The following DRC11 variants were observed in gnomAD, a reference collection of about 807,000 sequenced individuals.
DRC11 encodes the protein IQ and AAA domain-containing protein 1.
At chr2:236,343,891 C>T in the DRC11 span, 4 of 464,766 alleles carry the variant, frequency 8.6e-6, no homozygotes, top group East Asian at 1.4e-4. This position sits in a 1 kb window ranked among gnomAD's most constrained non-coding sequence, Gnocchi z 6.6. Flanking sequence ...TCTCTACCTG[C>T]GAAAAGTGAT....
the DRC11 span, among the ~76,000 whole-genome samples, chr2:236,357,678 A>G: frequency 8.7e-6 from 1 of 114,646 alleles, no homozygotes; most frequent in South Asian, 2.6e-4. Flanking sequence ...ATAAATATAT[A>G]TTTACAATAT....
the DRC11 span, chr2:236,503,564 A>G: frequency 7.1e-7 from 1 of 1,404,152 alleles, no homozygotes; most frequent in Middle Eastern, 1.7e-4. This position sits in a 1 kb window ranked among gnomAD's most constrained non-coding sequence, Gnocchi z 4.9. Context: ...GGGGGAGACC[A>G]GGCAAAGATT....
chr2:236,504,769 T>C, the DRC11 span, among the ~76,000 whole-genome samples: 1 of 152,216 alleles, frequency 6.6e-6, no homozygotes, highest in African/African-American at 2.4e-5. The surrounding 1 kb of genome is among the most constrained non-coding windows in gnomAD (Gnocchi z 5.0). Context: ...TGATAGTGAG[T>C]TCTCACGAGA....
At chr2:236,469,299 G>A in the DRC11 span, among the ~76,000 whole-genome samples, 3 of 152,176 alleles carry the variant, frequency 2.0e-5, no homozygotes, top group East Asian at 1.9e-4. This position sits in a 1 kb window ranked among gnomAD's most constrained non-coding sequence, Gnocchi z 5.8. Flanking sequence ...TCCATCTCCC[G>A]AGTTCAAGTG....
chr2:236,445,108 C>G, the DRC11 span, among the ~76,000 whole-genome samples: 2 of 152,186 alleles, frequency 1.3e-5, no homozygotes, highest in Non-Finnish European at 2.9e-5. The surrounding 1 kb of genome is among the most constrained non-coding windows in gnomAD (Gnocchi z 4.8). Context: ...CTTCAATAAC[C>G]ACTTTTACAA....
the DRC11 span, among the ~76,000 whole-genome samples, chr2:236,489,561 T>C: frequency 8.0e-3 from 1,213 of 152,222 alleles, 15 homozygotes; most frequent in African/African-American, 0.028. Flanking sequence ...CAGGGGCTCA[T>C]GTGGCCTGGC....
the DRC11 span, among the ~76,000 whole-genome samples, chr2:236,393,798 T>G: frequency 6.6e-6 from 1 of 152,120 alleles, no homozygotes; most frequent in East Asian, 1.9e-4. The surrounding 1 kb of genome is among the most constrained non-coding windows in gnomAD (Gnocchi z 4.7). Context: ...TTTGGCCACC[T>G]GCCACCTGCC....
chr2:236,463,467 C>A, the DRC11 span, among the ~76,000 whole-genome samples: 1 of 152,086 alleles, frequency 6.6e-6, no homozygotes, highest in Non-Finnish European at 1.5e-5. The surrounding 1 kb of genome is among the most constrained non-coding windows in gnomAD (Gnocchi z 5.0). Context: ...GAAAACCTCA[C>A]AAATGTAATC....
chr2:236,342,911 C>T, the DRC11 span, among the ~76,000 whole-genome samples: 4 of 152,282 alleles, frequency 2.6e-5, no homozygotes, highest in African/African-American at 9.6e-5. The surrounding 1 kb of genome is among the most constrained non-coding windows in gnomAD (Gnocchi z 5.8). Context: ...ACACGACGGA[C>T]TCCTCTAATG....
chr2:236,373,052 T>C, the DRC11 span, among the ~76,000 whole-genome samples: 1 of 152,170 alleles, frequency 6.6e-6, no homozygotes, highest in South Asian at 2.1e-4. Context: ...AATTTCTAAT[T>C]TTACTTTAAA....
chr2:236,460,236 G>A, the DRC11 span, among the ~76,000 whole-genome samples: 1 of 152,146 alleles, frequency 6.6e-6, no homozygotes, highest in Non-Finnish European at 1.5e-5. The surrounding 1 kb of genome is among the most constrained non-coding windows in gnomAD (Gnocchi z 4.0). Flanking sequence ...CCACGAGGAC[G>A]ACTCTAACTG....
At chr2:236,326,629 CTT>C in the DRC11 span, among the ~76,000 whole-genome samples, 5 of 152,032 alleles carry the variant, frequency 3.3e-5, no homozygotes, top group Admixed American at 1.3e-4. Context: ...ATAATTATCT[CTT>C]CTCATTTCAT....
chr2:236,461,098 T>A, the DRC11 span, among the ~76,000 whole-genome samples: 1 of 152,202 alleles, frequency 6.6e-6, no homozygotes, highest in East Asian at 1.9e-4. The surrounding 1 kb of genome is among the most constrained non-coding windows in gnomAD (Gnocchi z 4.0). Context: ...TGTGAATATA[T>A]ACAATACATA....
the DRC11 span, chr2:236,399,540 A>G: frequency 2.1e-6 from 3 of 1,413,114 alleles, no homozygotes; most frequent in Non-Finnish European, 3.0e-6. The surrounding 1 kb of genome is among the most constrained non-coding windows in gnomAD (Gnocchi z 7.0). Context: ...GGGCAGCAAA[A>G]GACGCAGACG....
chr2:236,484,380 CAT>C, the DRC11 span, among the ~76,000 whole-genome samples: 3 of 152,140 alleles, frequency 2.0e-5, no homozygotes, highest in African/African-American at 4.8e-5. Context: ...ACATAAAACA[CAT>C]GTTTATTGCA....
chr2:236,461,433 C>T, the DRC11 span, among the ~76,000 whole-genome samples: 2 of 152,206 alleles, frequency 1.3e-5, no homozygotes, highest in African/African-American at 2.4e-5. The surrounding 1 kb of genome is among the most constrained non-coding windows in gnomAD (Gnocchi z 4.0). Context: ...ATGATTGCAA[C>T]TGCACAAAAT....
At chr2:236,397,106 C>T in the DRC11 span, among the ~76,000 whole-genome samples, 10 of 152,326 alleles carry the variant, frequency 6.6e-5, no homozygotes, top group Admixed American at 5.2e-4. The surrounding 1 kb of genome is among the most constrained non-coding windows in gnomAD (Gnocchi z 5.0). Context: ...CTGGAGGAAG[C>T]GCAGTGGCCA....
the DRC11 span, among the ~76,000 whole-genome samples, chr2:236,357,015 T>TATC: frequency 7.6e-6 from 1 of 130,894 alleles, no homozygotes; most frequent in African/African-American, 3.0e-5. Context: ...TATTCATATA[T>TATC]TATATATCTA....
chr2:236,312,114 A>G, the DRC11 span, among the ~76,000 whole-genome samples: 2 of 152,198 alleles, frequency 1.3e-5, no homozygotes, highest in African/African-American at 4.8e-5. Context: ...CTATCCTAAG[A>G]TTCCAGATGT....
Sources: allele counts gnomAD v4.1 joint callset (sites outside exome capture counted in the v4.1 genomes callset), GRCh38; gene constraint gnomAD v4.1.1; non-coding constraint Gnocchi (gnomAD v3.1); transcripts MANE v1.5; gene names NCBI Gene and HGNC (gene_info 2026-07-23, HGNC 2026-07-21).